TUSC3: variants seen among roughly 807,000 people sequenced by gnomAD.
TUSC3 encodes dolichyl-diphosphooligosaccharide--protein glycosyltransferase subunit TUSC3.
A neutral mutation model predicts 44.8 loss-of-function variants in TUSC3; 45 were observed. The ratio of observed to expected loss-of-function variants is 1.00; its 90% confidence interval spans 0.79 to 1.29. TUSC3 has a LOEUF of 1.29. TUSC3 is among the 50% of genes most tolerant of loss of function. The pLI, the probability that TUSC3 is intolerant of heterozygous loss-of-function variation, is 0.00. For synonymous variants in TUSC3, 212 were observed against 152.9 expected (o/e 1.39, Z -2.85); for missense variants, 519 against 437.9 (o/e 1.19, Z -1.65).
chr8:15,735,217 A>G (rs1325285339), intron 7 of TUSC3, among the ~76,000 whole-genome samples: 1 of 152,144 alleles, frequency 6.6e-6, no homozygotes, highest in Admixed American at 6.5e-5. Flanking sequence ...GCTGCTGGCA[A>G]TGGTTCATCC....
chr8:15,657,967 A>G (rs1807248998), intron 3 of TUSC3, among the ~76,000 whole-genome samples: 1 of 152,198 alleles, frequency 6.6e-6, no homozygotes, highest in African/African-American at 2.4e-5. Flanking sequence ...AGTGTGAGAG[A>G]GAATCAAGAG....
intron 6 of TUSC3, among the ~76,000 whole-genome samples, chr8:15,696,299 G>A (rs1332095935): frequency 6.6e-6 from 1 of 152,136 alleles, no homozygotes; most frequent in African/African-American, 2.4e-5. Context: ...GGATTCCGAG[G>A]GCACAAGCTC....
intron 6 of TUSC3, among the ~76,000 whole-genome samples, chr8:15,682,395 C>T (rs373869853): frequency 2.0e-5 from 3 of 152,028 alleles, no homozygotes; most frequent in East Asian, 1.9e-4. Flanking sequence ...CTGGATGAAT[C>T]GAACTCTTTA....
intron 6 of TUSC3, among the ~76,000 whole-genome samples, chr8:15,675,068 A>G (rs1166819711): frequency 6.6e-6 from 1 of 151,984 alleles, no homozygotes; most frequent in African/African-American, 2.4e-5. Flanking sequence ...AGTATGCTAC[A>G]TAATTTATCG....
intron 1 of TUSC3, among the ~76,000 whole-genome samples, chr8:15,566,262 C>A (rs926482182): frequency 6.6e-6 from 1 of 152,164 alleles, no homozygotes; most frequent in African/African-American, 2.4e-5. Flanking sequence ...TATGTTCCCT[C>A]TTATATAAGA....
At chr8:15,500,828 C>T (rs900362056) in intron 2 of TUSC3, among the ~76,000 whole-genome samples, 34 of 152,210 alleles carry the variant, frequency 2.2e-4, no homozygotes, top group African/African-American at 8.2e-4. Flanking sequence ...CCTTCAGCAC[C>T]TGTCAAAATG....
intron 2 of TUSC3, among the ~76,000 whole-genome samples, chr8:15,532,912 C>G (rs761971777): frequency 6.6e-6 from 1 of 152,200 alleles, no homozygotes; most frequent in African/African-American, 2.4e-5. Flanking sequence ...CCTGCCTCCA[C>G]TTCTTGAGTA....
At chr8:15,562,206 T>C (rs958958850) in intron 1 of TUSC3, among the ~76,000 whole-genome samples, 1 of 152,176 alleles carries the variant, frequency 6.6e-6, no homozygotes, top group Non-Finnish European at 1.5e-5. Context: ...GGTTGAGTAC[T>C]GTAGTGATTT....
intron 1 of TUSC3, among the ~76,000 whole-genome samples, chr8:15,602,629 G>A (rs989574757): frequency 6.7e-6 from 1 of 150,104 alleles, no homozygotes; most frequent in South Asian, 2.1e-4. Flanking sequence ...TGTAATAGGT[G>A]CTCTCTCTTT....
chr8:15,715,210 T>G (rs145917312), intron 6 of TUSC3, among the ~76,000 whole-genome samples: 23 of 152,294 alleles, frequency 1.5e-4, no homozygotes, highest in African/African-American at 5.3e-4. Flanking sequence ...TATTGTGTTT[T>G]TTCCTAAACA....
chr8:15,605,849 A>G (rs552517285), intron 1 of TUSC3, among the ~76,000 whole-genome samples: 4 of 152,010 alleles, frequency 2.6e-5, no homozygotes, highest in Non-Finnish European at 5.9e-5. Flanking sequence ...GTAGTACGTT[A>G]TAGGCTACTG....
intron 9 of TUSC3, among the ~76,000 whole-genome samples, chr8:15,757,167 C>A (rs1385129333): frequency 6.6e-6 from 1 of 152,160 alleles, no homozygotes; most frequent in South Asian, 2.1e-4. Context: ...AAAGAGGTAT[C>A]GCAGTTCCAA....
At chr8:15,748,680 C>CTTTCTAGACATACATATTTTTATAT in intron 9 of TUSC3, 1 of 694,000 alleles carries the variant, frequency 1.4e-6, no homozygotes, top group East Asian at 2.9e-5. Context: ...CATGTAGTTT[C>CTTTCTAGACATACATATTTTTATAT]TTTCTAGACA....
chr8:15,790,107 T>C, the TUSC3 span, among the ~76,000 whole-genome samples: 3 of 151,024 alleles, frequency 2.0e-5, no homozygotes, highest in East Asian at 5.9e-4. Flanking sequence ...CCGAAATCTC[T>C]AGAAAAGGGG....
the TUSC3 span, among the ~76,000 whole-genome samples, chr8:15,798,599 C>A: frequency 6.6e-6 from 1 of 151,952 alleles, no homozygotes; most frequent in Non-Finnish European, 1.5e-5. Flanking sequence ...TTTGGTTCAA[C>A]CAAAGGAACT....
intron 1 of TUSC3, among the ~76,000 whole-genome samples, chr8:15,444,239 G>A (rs529673189): frequency 2.0e-5 from 3 of 152,252 alleles, no homozygotes; most frequent in African/African-American, 7.2e-5. Flanking sequence ...GAGCCTTCAT[G>A]CTGTTAAAGA....
intron 1 of TUSC3, among the ~76,000 whole-genome samples, chr8:15,543,488 A>G (rs1289088309): frequency 1.3e-5 from 2 of 152,160 alleles, no homozygotes; most frequent in Non-Finnish European, 1.5e-5. Flanking sequence ...GCAAACGACA[A>G]ACTCTCTGCA....
intron 2 of TUSC3, among the ~76,000 whole-genome samples, chr8:15,487,570 A>G (rs770802854): frequency 1.3e-5 from 2 of 152,212 alleles, no homozygotes; most frequent in African/African-American, 4.8e-5. Context: ...GATACTAAAC[A>G]TTTAGAGAAA....
intron 1 of TUSC3, among the ~76,000 whole-genome samples, chr8:15,467,843 G>A (rs1585055960): frequency 6.6e-6 from 1 of 151,982 alleles, no homozygotes; most frequent in African/African-American, 2.4e-5. Context: ...CTAACCTAAA[G>A]TTTTTTATCC....
Sources: gnomAD v4.1 joint callset for allele counts (sites outside exome capture counted in the v4.1 genomes callset) on GRCh38, gnomAD v4.1.1 for gene constraint, MANE v1.5 for transcripts, NCBI Gene and HGNC (gene_info 2026-07-23, HGNC 2026-07-21) for gene names.